Variants in LINGO2 observed in about 807,000 individuals in gnomAD.
LINGO2 encodes the protein leucine rich repeat and Ig domain containing 2.
In LINGO2, 14 loss-of-function variants were observed where a neutral mutation model predicts 30.6. The ratio of observed to expected loss-of-function variants is 0.46; its 90% CI spans 0.30 to 0.72. The LOEUF (loss-of-function observed/expected upper bound fraction) is 0.72. LINGO2 is among the 30% of genes least tolerant of loss of function. LINGO2 has a pLI of 0.07. For missense variants in LINGO2, 729 were observed against 751.7 expected (o/e 0.97, Z 0.35); for synonymous variants, 317 against 288.5 (o/e 1.10, Z -1.00).
chr9:28,479,914 TA>T (rs1564228359), intron 1 of LINGO2, among the ~76,000 whole-genome samples: 1 of 23,086 alleles, frequency 4.3e-5, no homozygotes, highest in East Asian at 2.2e-3. Flanking sequence ...TACGTAGGTA[TA>T]TATATATATA....
chr9:29,179,962 G>A, the LINGO2 span, among the ~76,000 whole-genome samples: 1 of 152,072 alleles, frequency 6.6e-6, no homozygotes, highest in South Asian at 2.1e-4. Flanking sequence ...CAGTTAAAAG[G>A]GAGCAACTCA....
intron 3 of LINGO2, among the ~76,000 whole-genome samples, chr9:28,332,186 GA>G (rs1378683087): frequency 1.3e-5 from 2 of 151,528 alleles, no homozygotes; most frequent in African/African-American, 4.8e-5. Flanking sequence ...TCTCTTTTTA[GA>G]ATTTTTTTTT....
chr9:28,477,854 G>T (rs536132731), intron 1 of LINGO2, among the ~76,000 whole-genome samples: 125 of 152,236 alleles, frequency 8.2e-4, no homozygotes, highest in African/African-American at 2.8e-3. Flanking sequence ...ATCTATTGTG[G>T]TCTACAACTT....
the LINGO2 span, among the ~76,000 whole-genome samples, chr9:28,702,423 A>G: frequency 6.6e-6 from 1 of 151,976 alleles, no homozygotes; most frequent in East Asian, 1.9e-4. Flanking sequence ...TGAGGGTAAC[A>G]TTAATAGATT....
intron 4 of LINGO2, among the ~76,000 whole-genome samples, chr9:28,146,548 T>G (rs997749516): frequency 2.1e-5 from 3 of 140,350 alleles, no homozygotes; most frequent in Non-Finnish European, 4.7e-5. Flanking sequence ...AAAATTTACT[T>G]AAGTGGTAAA....
At chr9:28,387,762 C>G (rs1422378743) in intron 2 of LINGO2, among the ~76,000 whole-genome samples, 1 of 152,110 alleles carries the variant, frequency 6.6e-6, no homozygotes, top group Non-Finnish European at 1.5e-5. Flanking sequence ...GAACGAACAA[C>G]TCTGGACGTA....
chr9:28,900,350 T>C, the LINGO2 span, among the ~76,000 whole-genome samples: 1 of 152,158 alleles, frequency 6.6e-6, no homozygotes, highest in Non-Finnish European at 1.5e-5. Context: ...TCAGGGTCTA[T>C]TTAGAAGACT....
intron 1 of LINGO2, among the ~76,000 whole-genome samples, chr9:28,649,375 T>C (rs772220806): frequency 1.3e-5 from 2 of 152,146 alleles, no homozygotes; most frequent in Non-Finnish European, 2.9e-5. Flanking sequence ...CTCATAACAG[T>C]TCTAAAATAT....
rs370380940 is a variant in LINGO2, at chr9:28,014,271, C to CA, written c.-86-1867dup. On this transcript the variant is annotated intron_variant, in intron 4 of 5. Coordinates refer to ENST00000379992, the Ensembl canonical transcript of LINGO2. The stretch of plus-strand genomic sequence containing the variant: ...ACACTTACCAAAGGGGAAAAAATGA[C>CA]AAAAAATTCTAATGACTAATGGTTT... Among the ~76,000 whole-genome samples the CA allele has an allele frequency of 1.9e-3, 291 of 152,210 alleles. 3 individuals are homozygous for CA. Among genetic ancestry groups the CA allele is most frequent in the African/African-American group, 6.6e-3 (274 of 41,554 alleles).
intron 5 of LINGO2, among the ~76,000 whole-genome samples, chr9:27,983,663 T>G (rs1820990193): frequency 1.3e-5 from 2 of 151,780 alleles, no homozygotes; most frequent in Admixed American, 6.6e-5. Flanking sequence ...AGAGGTAAAA[T>G]CACCATTCAA....
chr9:29,121,922 T>C, the LINGO2 span, among the ~76,000 whole-genome samples: 1 of 152,114 alleles, frequency 6.6e-6, no homozygotes, highest in Admixed American at 6.6e-5. Context: ...TTAATTTTAT[T>C]GTGAATGTAA....
chr9:28,567,223 CAGT>C (rs1439109361), intron 1 of LINGO2, among the ~76,000 whole-genome samples: 1 of 152,100 alleles, frequency 6.6e-6, no homozygotes, highest in East Asian at 1.9e-4. Flanking sequence ...CTGTGGAAAA[CAGT>C]AGAAAATTTC....
At chr9:29,063,675 C>T in the LINGO2 span, among the ~76,000 whole-genome samples, 1 of 152,108 alleles carries the variant, frequency 6.6e-6, no homozygotes, top group Non-Finnish European at 1.5e-5. Flanking sequence ...GTATGGATTA[C>T]AGGCATGAGT....
At chr9:28,254,536 A>G (rs1587333523) in intron 4 of LINGO2, among the ~76,000 whole-genome samples, 4 of 152,258 alleles carry the variant, frequency 2.6e-5, no homozygotes, top group South Asian at 2.1e-4. Flanking sequence ...ATGACACTCA[A>G]TGAAGAAAAA....
At chr9:27,961,085 G>A (rs1186103798) in intron 5 of LINGO2, among the ~76,000 whole-genome samples, 1 of 152,068 alleles carries the variant, frequency 6.6e-6, no homozygotes, top group East Asian at 1.9e-4. Context: ...TCCCATTTCA[G>A]TACAGTATTC....
At chr9:28,177,586 G>T (rs1467855974) in intron 4 of LINGO2, among the ~76,000 whole-genome samples, 4 of 152,092 alleles carry the variant, frequency 2.6e-5, no homozygotes, top group African/African-American at 9.7e-5. Context: ...ATGTGATAAG[G>T]AATGTAAAGC....
chr9:28,734,538 C>T, the LINGO2 span, among the ~76,000 whole-genome samples: 3 of 152,138 alleles, frequency 2.0e-5, no homozygotes, highest in African/African-American at 4.8e-5. Context: ...CAGAGTGTTA[C>T]GTAAGTCACT....
At chr9:28,854,126 G>C in the LINGO2 span, among the ~76,000 whole-genome samples, 1 of 151,946 alleles carries the variant, frequency 6.6e-6, no homozygotes, top group East Asian at 1.9e-4. Context: ...GGCCAGGAAT[G>C]CTGCTAAATG....
chr9:28,647,789 C>T (rs753634375), intron 1 of LINGO2, among the ~76,000 whole-genome samples: 15 of 151,878 alleles, frequency 9.9e-5, no homozygotes, highest in Non-Finnish European at 2.9e-5. Context: ...TGGGATTATA[C>T]CATACATTAA....
Sources: gnomAD v4.1 joint callset for allele counts (sites outside exome capture counted in the v4.1 genomes callset) on GRCh38, gnomAD v4.1.1 for gene constraint, MANE v1.5 for transcripts, NCBI Gene and HGNC (gene_info 2026-07-23, HGNC 2026-07-21) for gene names.